Variants in MARK3 observed in about 807,000 individuals in gnomAD.
MARK3 encodes microtubule affinity regulating kinase 3.
Under a neutral mutation model 90.1 loss-of-function variants are expected in MARK3, and 46 were observed. That is an observed-to-expected ratio of 0.51 (90% CI 0.40 to 0.65). The LOEUF is 0.65. Ranked by LOEUF, MARK3 falls within the 30% of genes least tolerant of loss-of-function variation. MARK3 has a pLI of 0.00. For synonymous variants in MARK3, 321 were observed against 332.6 expected, an observed-to-expected ratio of 0.97 and a Z score of 0.38; for missense variants, 818 against 947.2, an observed-to-expected ratio of 0.86 and a Z score of 1.79.
intron 2 of MARK3, among the ~76,000 whole-genome samples, chr14:103,419,349 T>G (rs2092106458): frequency 6.6e-6 from 1 of 152,188 alleles, no homozygotes; most frequent in Non-Finnish European, 1.5e-5. Context: ...TTATTAGGGT[T>G]ATATGTATTG....
At chr14:103,470,455 A>ATTGTTTTTTTTTTTTTTTTTTTTTT (rs2093604628) in intron 12 of MARK3, among the ~76,000 whole-genome samples, 1 of 55,050 alleles carries the variant, frequency 1.8e-5, no homozygotes, top group Non-Finnish European at 3.4e-5. Flanking sequence ...AACTAAATCT[A>ATTGTTTTTTTTTTTTTTTTTTTTTT]TTTTTTTTTT....
chr14:103,458,919 T>C (rs1411673637), intron 6 of MARK3: 5 of 448,478 alleles, frequency 1.1e-5, no homozygotes, highest in Non-Finnish European at 1.6e-5. Flanking sequence ...TTGGCTATCA[T>C]TTAACTTCTC....
At chr14:103,450,760 A>C (rs967156503) in intron 4 of MARK3, among the ~76,000 whole-genome samples, 1 of 152,100 alleles carries the variant, frequency 6.6e-6, no homozygotes, top group Non-Finnish European at 1.5e-5. Context: ...GAAATATAAA[A>C]CACTAGCATA....
intron 11 of MARK3, 24 bp from the exon 12 acceptor site, chr14:103,468,007 GCT>G: frequency 6.2e-7 from 1 of 1,609,586 alleles, no homozygotes; most frequent in Non-Finnish European, 8.5e-7. Context: ...GTTGTGGTTT[GCT>G]CTGTTTTTCT....
At chr14:103,467,938 T>G (rs1383238023) in intron 11 of MARK3, 95 bp from the exon 12 acceptor site, 6 of 1,260,768 alleles carry the variant, frequency 4.8e-6, no homozygotes, top group Admixed American at 4.2e-5. Context: ...GAATGAACGG[T>G]TTATGAGAGG....
At chr14:103,493,919 A>G (rs892783951) in intron 15 of MARK3, among the ~76,000 whole-genome samples, 5 of 147,004 alleles carry the variant, frequency 3.4e-5, no homozygotes, top group Non-Finnish European at 7.5e-5. Flanking sequence ...TCTTCTTTGT[A>G]CTCTTTTTTC....
intron 1 of MARK3, 86 bp downstream of exon 1, chr14:103,386,166 C>A: frequency 1.6e-6 from 2 of 1,279,218 alleles, no homozygotes; most frequent in Non-Finnish European, 2.3e-6. Flanking sequence ...GGTGTTCCCC[C>A]CAGCCGAACG....
At chr14:103,430,174 T>C (rs543218325) in intron 3 of MARK3, among the ~76,000 whole-genome samples, 39 of 152,318 alleles carry the variant, frequency 2.6e-4, no homozygotes, top group Non-Finnish European at 1.3e-4. Context: ...TATTCAAGTA[T>C]GAACCATTCA....
At chr14:103,480,043 C>G (rs1170040813) in intron 13 of MARK3, among the ~76,000 whole-genome samples, 1 of 152,062 alleles carries the variant, frequency 6.6e-6, no homozygotes, top group East Asian at 1.9e-4. Flanking sequence ...ATCGCTTGAA[C>G]CCAGGAGGGG....
intron 3 of MARK3, among the ~76,000 whole-genome samples, chr14:103,440,149 C>T (rs755984814): frequency 1.3e-5 from 2 of 152,340 alleles, no homozygotes; most frequent in Non-Finnish European, 2.9e-5. Context: ...TTCACCTTCA[C>T]TGCTATGTCC....
chr14:103,408,627 G>A (rs556858817), intron 2 of MARK3, among the ~76,000 whole-genome samples: 20 of 152,332 alleles, frequency 1.3e-4, no homozygotes, highest in African/African-American at 4.8e-4. Flanking sequence ...GGGGCTGCAA[G>A]AGCATGAGCC....
chr14:103,491,550 T>C, intron 14 of MARK3: 1 of 476,952 alleles, frequency 2.1e-6, no homozygotes, highest in Non-Finnish European at 3.7e-6. Flanking sequence ...TCCTTGAAAA[T>C]ATATATAATA....
At chr14:103,471,977 G>A (rs983079788) in intron 12 of MARK3, among the ~76,000 whole-genome samples, 2 of 152,104 alleles carry the variant, frequency 1.3e-5, no homozygotes, top group African/African-American at 4.8e-5. Flanking sequence ...TTGGGAGTCC[G>A]AGGCAGGTGG....
At chr14:103,391,539 A>C (rs956834408) in intron 1 of MARK3, among the ~76,000 whole-genome samples, 16 of 144,562 alleles carry the variant, frequency 1.1e-4, no homozygotes, top group Non-Finnish European at 2.1e-4. Context: ...TATGTCAAAT[A>C]TGCTTTTTTT....
chr14:103,401,750 A>G lies in MARK3; in HGVS notation c.52-3326A>G, dbSNP rs377251837. The stretch of plus-strand genomic sequence containing the variant: ...ATGTAAAAAAGCCAGTATGATGGAT[A>G]TAGTATTGTCTACAAAAAAAAGTAG... On this transcript the variant is annotated intron_variant, in intron 1 of 17. Transcript: ENST00000429436. Among the ~76,000 whole-genome samples the G allele has an allele frequency of 6.2e-4, 95 of 152,344 alleles. 3 individuals are homozygous for G. The South Asian group carries it at 0.018, about 28-fold the overall frequency.
At chr14:103,392,272 C>G (rs572236625) in intron 1 of MARK3, among the ~76,000 whole-genome samples, 1 of 152,176 alleles carries the variant, frequency 6.6e-6, no homozygotes, top group African/African-American at 2.4e-5. Flanking sequence ...GGACACATAG[C>G]TTTCCTGCTC....
rs190830036 is a variant in MARK3, at chr14:103,464,245, G to T, written c.541-1312G>T. Among the ~76,000 whole-genome samples the T allele has an allele frequency of 9.3e-5, 14 of 150,172 alleles. No individual in the cohort carries two copies. The East Asian group carries it at 9.8e-4, about 10-fold the overall frequency. ...ACACTAATATAGCATCTGCTGTGGA[G>T]TAGCCACATAGGAAATGTTTCTTAA... On this transcript the variant is annotated intron_variant, in intron 7 of 17. Transcript: ENST00000429436.
At chr14:103,431,394 G>A (rs1435017139) in intron 3 of MARK3, among the ~76,000 whole-genome samples, 1 of 152,118 alleles carries the variant, frequency 6.6e-6, no homozygotes, top group East Asian at 1.9e-4. Flanking sequence ...CCATGCCCAG[G>A]CCAAGGTGTG....
In MARK3 at chr14:103,478,371, C is replaced by G. The variant is rs186080873; in HGVS notation, c.1483-2016C>G. Among the ~76,000 whole-genome samples, 993 of 150,796 alleles carry G rather than the reference C, an allele frequency of 6.6e-3. 7 individuals are homozygous for G. Among genetic ancestry groups the G allele is most frequent in the Non-Finnish European group, 0.011 (737 of 67,696 alleles). The stretch of plus-strand genomic sequence containing the variant: ...TCCTCCTCTCCCCTCTGCCCCCCTC[C>G]CTTCCCCCTCATTCCCTGGCAACCA... On this transcript the variant is annotated intron_variant, in intron 13 of 17. Coordinates refer to ENST00000429436, the MANE Select transcript of MARK3 (RefSeq NM_001128918.3).
Sources: gnomAD v4.1 joint callset for allele counts (sites outside exome capture counted in the v4.1 genomes callset) on GRCh38, gnomAD v4.1.1 for gene constraint, MANE v1.5 for transcripts, NCBI Gene and HGNC (gene_info 2026-07-23, HGNC 2026-07-21) for gene names.